Variants in PCDHGA9 observed in about 807,000 individuals in gnomAD.
The protein encoded by PCDHGA9 is protocadherin gamma subfamily A, 9, also known as protocadherin gamma-A9.
Under a neutral mutation model 62.5 loss-of-function variants are expected in PCDHGA9, and 37 were observed. The observed-to-expected ratio is 0.59, with a 90% CI of 0.46 to 0.78. PCDHGA9 has a LOEUF of 0.78. PCDHGA9 is among the 30% of genes least tolerant of loss of function. PCDHGA9 has a pLI of 0.00. For missense variants in PCDHGA9, 1,138 were observed against 1,166.2 expected (o/e 0.98, Z 0.35); for synonymous variants, 459 against 484.6 (o/e 0.95, Z 0.69).
Position 141,475,143 on chromosome 5 carries a change from T to TC in PCDHGA9, c.2425-19662dup, listed in dbSNP as rs372338581. On this transcript the variant is annotated intron_variant, in intron 1 of 3. Transcript: ENST00000573521. ...GGCTTTTTTTCTTTTTGAAATCTTC[T>TC]CCGTCTTCTTCTTCATTAGCAGTGC... Among the ~76,000 whole-genome samples the TC allele has an allele frequency of 4.9e-3, 751 of 152,356 alleles. 5 individuals carry two copies. Among genetic ancestry groups the TC allele is most frequent in the Non-Finnish European group, 6.5e-3 (439 of 68,034 alleles).
intron 1 of PCDHGA9, chr5:141,422,371 C>T (rs866886181): frequency 6.4e-7 from 1 of 1,567,212 alleles, no homozygotes; most frequent in South Asian, 1.2e-5. Context: ...AGAAAATGGT[C>T]AAGTCTCCTG....
chr5:141,432,864 G>A lies in PCDHGA9; in HGVS notation c.2424+27488G>A. On this transcript the variant is annotated intron_variant, in intron 1 of 3. Coordinates refer to ENST00000573521, the MANE Select transcript of PCDHGA9 (RefSeq NM_018921.3). The surrounding 1 kb of genome is among the most constrained non-coding windows in gnomAD (Gnocchi z 6.0). ...GTGGTAGCGGTGGCCGCGGTCTCCT[G>A]CGTCTTCCTGGCCTTCGTCATCTTG... 6.2e-7 allele frequency: 1 copy of A among 1,614,168 alleles called. No individual in the cohort carries two copies. Among genetic ancestry groups the A allele is most frequent in the South Asian group, 1.1e-5 (1 of 91,084 alleles).
chr5:141,419,426 G>A (rs753089031), intron 1 of PCDHGA9: 19 of 1,613,194 alleles, frequency 1.2e-5, no homozygotes, highest in Non-Finnish European at 1.5e-5. Context: ...CTTCGACCAC[G>A]AGCAGCTGCG....
rs1193497090 is a variant in PCDHGA9 at position 141,485,890 on chromosome 5, C to T, written c.2425-8917C>T. On this transcript the variant is annotated intron_variant, in intron 1 of 3. Coordinates refer to ENST00000573521, the MANE Select transcript of PCDHGA9 (RefSeq NM_018921.3). This position sits in a 1 kb window ranked among gnomAD's most constrained non-coding sequence, Gnocchi z 5.7. ...CCGTGCTGGACGTAAACGACAACGC[C>T]CCAGCCTTCCAGCAATCCAGCTACA... The T allele has an allele frequency of 6.2e-6, 10 of 1,614,156 alleles. No homozygotes were observed. Among genetic ancestry groups the T allele is most frequent in the Non-Finnish European group, 6.8e-6 (8 of 1,180,022 alleles).
chr5:141,480,599 C>A (rs1202373543), intron 1 of PCDHGA9, among the ~76,000 whole-genome samples: 1 of 141,438 alleles, frequency 7.1e-6, no homozygotes, highest in East Asian at 1.9e-4. Flanking sequence ...TCTGGTCAGC[C>A]TGGAAAGCAA....
At position 141,476,209 on chromosome 5, in the gene PCDHGA9, G is replaced by A. The variant is rs749576231; in HGVS notation, c.2425-18598G>A. ...TTGGTGCCTTGAACAAGGCTTCCAC[G>A]GTCATTCACTATGAGATCCCGGAGG... On this transcript the variant is annotated intron_variant, in intron 1 of 3. Coordinates refer to ENST00000573521, the MANE Select transcript of PCDHGA9 (RefSeq NM_018921.3). The surrounding 1 kb of genome is among the most constrained non-coding windows in gnomAD (Gnocchi z 7.6). The A allele has an allele frequency of 3.1e-6, 5 of 1,613,974 alleles. No individual in the cohort carries two copies. Among genetic ancestry groups the A allele is most frequent in the Admixed American group, 1.7e-5 (1 of 60,014 alleles).
intron 1 of PCDHGA9, among the ~76,000 whole-genome samples, chr5:141,407,446 C>T (rs1314408901): frequency 6.7e-6 from 1 of 149,410 alleles, no homozygotes. Context: ...AACCAGAACA[C>T]GAGGCTCACC....
chr5:141,460,126 T>TC (rs2098982804), intron 1 of PCDHGA9, among the ~76,000 whole-genome samples: 1 of 151,986 alleles, frequency 6.6e-6, no homozygotes, highest in South Asian at 2.1e-4. Context: ...ATATATGTAA[T>TC]ATATATATTC....
At chr5:141,436,691 A>G (rs2097840863) in intron 1 of PCDHGA9, among the ~76,000 whole-genome samples, 1 of 152,226 alleles carries the variant, frequency 6.6e-6, no homozygotes, top group Admixed American at 6.5e-5. Context: ...TATATTTTCA[A>G]TGCCAGCACA....
In PCDHGA9 at chr5:141,485,099, G is replaced by T; in HGVS notation, c.2425-9708G>T. The T allele has an allele frequency of 8.7e-7, 1 of 1,145,218 alleles. No individual in the cohort carries two copies. Among genetic ancestry groups the T allele is most frequent in the Non-Finnish European group, 1.3e-6 (1 of 775,682 alleles). 70.9% of individuals were successfully genotyped at this position (1,145,218 alleles called of 1,614,324 possible). A position where few individuals can be genotyped will look rare whatever the true frequency, so the allele number is the denominator to read the frequency against. ...GGGGAAAGGGAGATAGGTGTCTCCA[G>T]CTGCTGTGGCTGTTTGGGGCGGGTC... On this transcript the variant is annotated intron_variant, in intron 1 of 3. Transcript: ENST00000573521. The surrounding 1 kb of genome is among the most constrained non-coding windows in gnomAD (Gnocchi z 5.7).
chr5:141,441,018 TG>T (rs1482478700), intron 1 of PCDHGA9: 1 of 152,164 alleles, frequency 6.6e-6, no homozygotes, highest in Non-Finnish European at 1.5e-5. Context: ...GATCAAATAG[TG>T]GAGAAATGAA....
chr5:141,463,910 A>G (rs2099071862), intron 1 of PCDHGA9, among the ~76,000 whole-genome samples: 1 of 152,178 alleles, frequency 6.6e-6, no homozygotes, highest in Admixed American at 6.5e-5. Flanking sequence ...CTAATAATAT[A>G]TCCTGGAAAT....
intron 1 of PCDHGA9, chr5:141,410,343 G>A (rs890241182): frequency 6.2e-7 from 1 of 1,613,964 alleles, no homozygotes; most frequent in Non-Finnish European, 8.5e-7. Flanking sequence ...ATTGCCTTGC[G>A]CCTGCGACGC....
In PCDHGA9 at chr5:141,409,864, C is replaced by A. The variant is rs772646188; in HGVS notation, c.2424+4488C>A. The A allele has an allele frequency of 1.9e-6, 3 of 1,612,574 alleles. No individual in the cohort carries two copies. The East Asian group carries it at 6.7e-5, about 36-fold the overall frequency. Reference sequence around the variant, plus strand: ...TGAGCCTGCGCGTGTTGGTGGGAGACCGCAATGACAACGCACCGCGGGTGC... The same window carrying A: ...TGAGCCTGCGCGTGTTGGTGGGAGAACGCAATGACAACGCACCGCGGGTGC... On this transcript the variant is annotated intron_variant, in intron 1 of 3. Transcript: ENST00000573521.
At chr5:141,428,163 C>T (rs759273230) in intron 1 of PCDHGA9, 77 of 1,564,636 alleles carry the variant, frequency 4.9e-5, no homozygotes, top group Non-Finnish European at 6.3e-5. Flanking sequence ...CTGCTGGTTG[C>T]TGTGCGTGAC....
At chr5:141,467,131 C>A (rs1441537783) in intron 1 of PCDHGA9, among the ~76,000 whole-genome samples, 1 of 151,702 alleles carries the variant, frequency 6.6e-6, no homozygotes, top group African/African-American at 2.4e-5. Flanking sequence ...CAGCTCACTG[C>A]AACCTCTGCC....
intron 1 of PCDHGA9, among the ~76,000 whole-genome samples, chr5:141,439,631 A>C (rs1459977985): frequency 2.0e-5 from 3 of 152,214 alleles, no homozygotes; most frequent in Non-Finnish European, 2.9e-5. Context: ...ATCCCCAGAC[A>C]TTCCGGCTTG....
Position 141,489,119 on chromosome 5 carries a change from C to T in PCDHGA9, c.2425-5688C>T, listed in dbSNP as rs1236074950. The T allele has an allele frequency of 2.0e-5, 13 of 650,240 alleles. No individual in the cohort carries two copies. Among genetic ancestry groups the T allele is most frequent in the African/African-American group, 9.1e-5 (5 of 55,178 alleles). 40.3% of individuals were successfully genotyped at this position (650,240 alleles called of 1,614,324 possible). ...GAACTGCTGCAAGCAGGCAAACCTC[C>T]GAGCAGTTTTTAAGAGGCTGGAAGG... On this transcript the variant is annotated intron_variant, in intron 1 of 3. Coordinates refer to ENST00000573521, the MANE Select transcript of PCDHGA9 (RefSeq NM_018921.3). This position sits in a 1 kb window ranked among gnomAD's most constrained non-coding sequence, Gnocchi z 4.5.
chr5:141,463,535 G>A (rs1178825067), intron 1 of PCDHGA9, among the ~76,000 whole-genome samples: 4 of 137,928 alleles, frequency 2.9e-5, no homozygotes, highest in East Asian at 2.3e-4. Context: ...TAGAAACTCC[G>A]GCTCCCGGGT....
Sources: gnomAD v4.1 joint callset for allele counts (sites outside exome capture counted in the v4.1 genomes callset) on GRCh38, gnomAD v4.1.1 for gene constraint, Gnocchi (gnomAD v3.1) non-coding constraint, MANE v1.5 for transcripts, NCBI Gene and HGNC (gene_info 2026-07-23, HGNC 2026-07-21) for gene names.